Variants in GNG4 observed in about 807,000 individuals in gnomAD.
GNG4 encodes the protein G protein subunit gamma 4, also known as guanine nucleotide-binding protein G(I)/G(S)/G(O) subunit gamma-4.
In GNG4, 4 loss-of-function variants were observed where a neutral mutation model predicts 5.8. The observed-to-expected ratio is 0.69, with a 90% CI of 0.34 to 1.57. The LOEUF (loss-of-function observed/expected upper bound fraction) is 1.57, where lower values mean the gene tolerates loss of function less well. Ranked by LOEUF, GNG4 falls within the 40% of genes most tolerant of loss-of-function variation. The pLI is 0.06. For missense variants in GNG4, 96 were observed against 95.1 expected, an observed-to-expected ratio of 1.01 and a Z score of -0.04; for synonymous variants, 29 against 32.9, an observed-to-expected ratio of 0.88 and a Z score of 0.41.
chr1:235,592,395 G>A (rs908979578), intron 2 of GNG4, among the ~76,000 whole-genome samples: 8 of 152,212 alleles, frequency 5.3e-5, no homozygotes, highest in Admixed American at 2.0e-4. Context: ...TGTAATCCCA[G>A]CTACTCAGGA....
chr1:235,637,735 G>A (rs1464938532), intron 1 of GNG4, among the ~76,000 whole-genome samples: 2 of 151,878 alleles, frequency 1.3e-5, no homozygotes, highest in East Asian at 1.9e-4. Flanking sequence ...GAGAATTTTC[G>A]ATGCATAAGG....
At chr1:235,580,378 T>A (rs1687598542) in intron 3 of GNG4, among the ~76,000 whole-genome samples, 1 of 152,186 alleles carries the variant, frequency 6.6e-6, no homozygotes, top group South Asian at 2.1e-4. Context: ...CTAATACTGA[T>A]GAATTGTACA....
At chr1:235,572,372 A>G (rs571840887) in intron 3 of GNG4, among the ~76,000 whole-genome samples, 27 of 152,010 alleles carry the variant, frequency 1.8e-4, no homozygotes, top group African/African-American at 6.3e-4. Context: ...GCTAATTTTC[A>G]TATTCTTAGT....
intron 1 of GNG4, among the ~76,000 whole-genome samples, chr1:235,622,739 G>C (rs2102977569): frequency 6.6e-6 from 1 of 152,038 alleles, no homozygotes; most frequent in South Asian, 2.1e-4. Flanking sequence ...AAATTAGTCA[G>C]GTGTGGTGGT....
intron 2 of GNG4, 59 bp downstream of exon 2, chr1:235,595,341 T>C (rs528226499): frequency 2.6e-5 from 4 of 152,482 alleles, no homozygotes; most frequent in East Asian, 1.9e-4. Context: ...ACACACATGC[T>C]CCTGGCGAAG....
chr1:235,573,557 C>T (rs538838659), intron 3 of GNG4, among the ~76,000 whole-genome samples: 1 of 152,114 alleles, frequency 6.6e-6, no homozygotes, highest in African/African-American at 2.4e-5. Context: ...GTGGGCGGAT[C>T]ACGAAGTCAG....
At chr1:235,586,189 C>G (rs987471081) in intron 2 of GNG4, among the ~76,000 whole-genome samples, 4 of 152,198 alleles carry the variant, frequency 2.6e-5, no homozygotes, top group South Asian at 2.1e-4. Flanking sequence ...AACTTTAACT[C>G]AACAACAAGG....
At chr1:235,587,655 T>G (rs116706093) in intron 2 of GNG4, among the ~76,000 whole-genome samples, 6,783 of 45,940 alleles carry the variant, frequency 0.15, 1,578 homozygotes, top group East Asian at 0.67. Flanking sequence ...GGGAGGGTGT[T>G]GGGTGTGTGT....
intron 1 of GNG4, among the ~76,000 whole-genome samples, chr1:235,643,884 G>T (rs1571930146): frequency 6.6e-6 from 1 of 152,194 alleles, no homozygotes; most frequent in East Asian, 1.9e-4. Flanking sequence ...CAAGGAGAGG[G>T]TCTAACGAGA....
chr1:235,581,964 G>T (rs1687648226), intron 3 of GNG4, among the ~76,000 whole-genome samples: 1 of 152,196 alleles, frequency 6.6e-6, no homozygotes, highest in Non-Finnish European at 1.5e-5. Flanking sequence ...CCTGGGCAAA[G>T]GAGAACTGCC....
At chr1:235,605,565 G>T (rs1688340787) in intron 1 of GNG4, among the ~76,000 whole-genome samples, 1 of 152,162 alleles carries the variant, frequency 6.6e-6, no homozygotes, top group African/African-American at 2.4e-5. Flanking sequence ...GGTCAGTAAA[G>T]GGTAGAGGGG....
At chr1:235,554,946 G>A (rs923843746) in intron 3 of GNG4, among the ~76,000 whole-genome samples, 4 of 150,506 alleles carry the variant, frequency 2.7e-5, no homozygotes, top group Admixed American at 1.3e-4. Flanking sequence ...TTTTGGACAT[G>A]CTCCAGTTTC....
rs551357186 is a variant in GNG4 at position 235,585,399 on chromosome 1, C to T, written c.-10-1551G>A. Among the ~76,000 whole-genome samples the T allele has an allele frequency of 2.6e-5, 4 of 152,258 alleles. No individual in the cohort carries two copies. The South Asian group carries it at 8.3e-4, about 32-fold the overall frequency. On this transcript the variant is annotated intron_variant, in intron 2 of 3. Coordinates refer to ENST00000391854, the MANE Select transcript of GNG4 (RefSeq NM_001098722.2). ...AGACTACAGGTGTGTGCCGCCATGC[C>T]TGGCTAATTAAAAAATTTTTTTTTG...
intron 3 of GNG4, among the ~76,000 whole-genome samples, chr1:235,582,926 C>T (rs1399303387): frequency 2.0e-5 from 3 of 152,144 alleles, no homozygotes; most frequent in Non-Finnish European, 4.4e-5. Context: ...CATACACTAG[C>T]ATGAGGGGAG....
chr1:235,594,347 G>T (rs1417950108), intron 2 of GNG4, among the ~76,000 whole-genome samples: 1 of 152,172 alleles, frequency 6.6e-6, no homozygotes, highest in Non-Finnish European at 1.5e-5. Flanking sequence ...GTCCCCACCA[G>T]ACTCAGGAGC....
chr1:235,649,149 G>C lies in GNG4; in HGVS notation c.-123+513C>G, dbSNP rs1407797349. ...GCTGCGGTGGCTCCAGCGTCACCCC[G>C]AGTGCTCCCGAGGCGGCGTCTGGGC... On this transcript the variant is annotated intron_variant, in intron 1 of 3. Coordinates refer to ENST00000391854, the MANE Select transcript of GNG4 (RefSeq NM_001098722.2). The surrounding 1 kb of genome is among the most constrained non-coding windows in gnomAD (Gnocchi z 5.7). 1.3e-5 allele frequency among the ~76,000 whole-genome samples: 2 copies of C among 152,182 alleles called. No individual in the cohort carries two copies. Among genetic ancestry groups the C allele is most frequent in the Non-Finnish European group, 2.9e-5 (2 of 68,032 alleles).
At chr1:235,565,262 A>AGGCGAGG (rs1687166724) in intron 3 of GNG4, among the ~76,000 whole-genome samples, 1 of 152,042 alleles carries the variant, frequency 6.6e-6, no homozygotes. Context: ...GCAATTTGGG[A>AGGCGAGG]GGCCGAGGTG....
At chr1:235,617,196 A>G (rs1217939595) in intron 1 of GNG4, among the ~76,000 whole-genome samples, 1 of 152,096 alleles carries the variant, frequency 6.6e-6, no homozygotes, top group Non-Finnish European at 1.5e-5. Flanking sequence ...GCCAGTTTTG[A>G]AACAGGTTCA....
chr1:235,592,887 C>T (rs1688010011), intron 2 of GNG4, among the ~76,000 whole-genome samples: 2 of 152,104 alleles, frequency 1.3e-5, no homozygotes, highest in African/African-American at 4.8e-5. Context: ...ACTGCAACAC[C>T]TCGGTGTGGA....
Sources: gnomAD v4.1 joint callset for allele counts (sites outside exome capture counted in the v4.1 genomes callset) on GRCh38, gnomAD v4.1.1 for gene constraint, Gnocchi (gnomAD v3.1) non-coding constraint, MANE v1.5 for transcripts, NCBI Gene and HGNC (gene_info 2026-07-23, HGNC 2026-07-21) for gene names.